RNF121: variants seen among roughly 807,000 people sequenced by gnomAD.
RNF121 encodes E3 ubiquitin ligase RNF121.
Under a neutral mutation model 46.5 loss-of-function variants are expected in RNF121, and 21 were observed. That is an observed-to-expected ratio of 0.45 (90% CI 0.32 to 0.65). The LOEUF is 0.65. Ranked by LOEUF, RNF121 falls within the 30% of genes least tolerant of loss-of-function variation. The probability of loss-of-function intolerance (pLI) is 0.04; values close to 1 mark genes in which losing one functional copy is unlikely to be tolerated. For synonymous variants in RNF121, 139 were observed against 144.7 expected (o/e 0.96, Z 0.28); for missense variants, 346 against 416.0 (o/e 0.83, Z 1.46).
rs1954233463 is a variant in RNF121, at chr11:71,964,757, G to GCT, written c.243+3867_243+3868insTC. ...GCCTCCCAAAGTGTTGGGATTACAG[G>GCT]CGTGAGCCACCGTGCCTGGTATTAT... On this transcript the variant is annotated intron_variant, in intron 3 of 8. Transcript: ENST00000361756. Among the ~76,000 whole-genome samples the GCT allele has an allele frequency of 3.3e-5, 5 of 152,166 alleles. 1 individual carries two copies. The South Asian group carries it at 1.0e-3, about 32-fold the overall frequency.
chr11:71,980,468 T>G (rs1031396999), intron 3 of RNF121, among the ~76,000 whole-genome samples: 13 of 152,172 alleles, frequency 8.5e-5, no homozygotes, highest in African/African-American at 3.1e-4. Flanking sequence ...TGCCTCAGCC[T>G]CCCAAGTAGC....
Position 71,941,593 on chromosome 11 carries a change from A to C in RNF121, c.63+12469A>C, listed in dbSNP as rs560243632. 7.2e-5 allele frequency among the ~76,000 whole-genome samples: 11 copies of C among 152,328 alleles called. No homozygotes were observed. In the South Asian group the frequency reaches 1.7e-3, roughly 23 times the overall value. ...ACAAATGCTTTGAGAAAAGTAATGTAATGTGATAAAGATGACTAGAAGAGA... is the reference window on the plus strand; with the variant it reads ...ACAAATGCTTTGAGAAAAGTAATGTCATGTGATAAAGATGACTAGAAGAGA... On this transcript the variant is annotated intron_variant, in intron 1 of 8. Transcript: ENST00000361756.
chr11:71,987,281 G>T (rs934284729), intron 5 of RNF121, among the ~76,000 whole-genome samples, 170 bp downstream of exon 5: 8 of 152,148 alleles, frequency 5.3e-5, no homozygotes, highest in Non-Finnish European at 2.9e-5. Context: ...ATTTGTTCTG[G>T]CAGAAAGCAA....
At chr11:71,967,498 T>G (rs1489285832) in intron 3 of RNF121, among the ~76,000 whole-genome samples, 2 of 151,920 alleles carry the variant, frequency 1.3e-5, no homozygotes. Flanking sequence ...TACAGGTTCA[T>G]GCCACCACAC....
intron 6 of RNF121, among the ~76,000 whole-genome samples, chr11:71,993,670 G>A (rs1954911425): frequency 6.6e-6 from 1 of 152,128 alleles, no homozygotes; most frequent in African/African-American, 2.4e-5. Context: ...GCGTTTAAGT[G>A]TGTTTAGTCC....
chr11:71,948,718 A>T (rs186024137), intron 1 of RNF121, among the ~76,000 whole-genome samples: 29 of 152,150 alleles, frequency 1.9e-4, no homozygotes, highest in Non-Finnish European at 1.0e-4. Flanking sequence ...CTGATTTATG[A>T]CTTTGGTGGC....
Position 71,992,662 on chromosome 11 carries a change from A to G in RNF121, c.627+1945A>G, listed in dbSNP as rs562196432. On this transcript the variant is annotated intron_variant, in intron 6 of 8. Coordinates refer to ENST00000361756, the MANE Select transcript of RNF121 (RefSeq NM_018320.5). Reference sequence around the variant, plus strand: ...GGTTCTGAAGACTGAAGGGAAAAATACAAAGGAAATATAGGTTTCAAAGCT... The same window carrying G: ...GGTTCTGAAGACTGAAGGGAAAAATGCAAAGGAAATATAGGTTTCAAAGCT... Among the ~76,000 whole-genome samples, 20 of 152,326 alleles carry G rather than the reference A, an allele frequency of 1.3e-4. No individual in the cohort carries two copies. In the South Asian group the frequency reaches 3.7e-3, roughly 28 times the overall value.
At chr11:71,944,556 G>A (rs1160255370) in intron 1 of RNF121, among the ~76,000 whole-genome samples, 1 of 152,192 alleles carries the variant, frequency 6.6e-6, no homozygotes, top group East Asian at 1.9e-4. Context: ...GCTGGGAGCA[G>A]AGGAAGGTAA....
intron 3 of RNF121, among the ~76,000 whole-genome samples, chr11:71,969,981 A>G (rs934875560): frequency 5.3e-5 from 8 of 152,242 alleles, no homozygotes; most frequent in Non-Finnish European, 5.9e-5. Context: ...AGATATAAGT[A>G]ATTTTAGATG....
At chr11:71,950,972 C>G (rs1413468378) in intron 1 of RNF121, among the ~76,000 whole-genome samples, 2 of 152,162 alleles carry the variant, frequency 1.3e-5, no homozygotes, top group African/African-American at 2.4e-5. Flanking sequence ...CACCTGTAAT[C>G]CCAGCACTTT....
chr11:71,936,901 T>C (rs1318639610), intron 1 of RNF121, among the ~76,000 whole-genome samples: 1 of 152,204 alleles, frequency 6.6e-6, no homozygotes, highest in Non-Finnish European at 1.5e-5. Context: ...ACATAGCCCA[T>C]ATCCATATAT....
At chr11:71,968,065 G>A (rs540073359) in intron 3 of RNF121, among the ~76,000 whole-genome samples, 7 of 65,676 alleles carry the variant, frequency 1.1e-4, no homozygotes, top group South Asian at 5.4e-4. Flanking sequence ...ATTTATGAAC[G>A]ATCTTTTTTT....
chr11:71,957,358 T>A, intron 2 of RNF121, 94 bp downstream of exon 2: 1 of 825,860 alleles, frequency 1.2e-6, no homozygotes, highest in Non-Finnish European at 2.2e-6. Context: ...TTCTTGTCAG[T>A]AGGAGGCAGT....
At chr11:71,959,824 C>A (rs542384325) in intron 2 of RNF121, among the ~76,000 whole-genome samples, 2 of 151,972 alleles carry the variant, frequency 1.3e-5, no homozygotes, top group Non-Finnish European at 1.5e-5. Flanking sequence ...TTAGTAGAGA[C>A]GGGGTTTCGC....
At chr11:71,963,782 G>A (rs962892248) in intron 3 of RNF121, among the ~76,000 whole-genome samples, 2 of 152,140 alleles carry the variant, frequency 1.3e-5, no homozygotes, top group Non-Finnish European at 2.9e-5. Flanking sequence ...TCCATTGGAT[G>A]GTCGTGGCAT....
At chr11:71,980,226 GACCAGCAGCCAGT>G (rs149284177) in intron 3 of RNF121, among the ~76,000 whole-genome samples, 49 of 152,312 alleles carry the variant, frequency 3.2e-4, no homozygotes, top group African/African-American at 1.2e-3. Flanking sequence ...AAGGCTCATG[GACCAGCAGCCAGT>G]ACCCTCGGGT....
At chr11:71,960,288 G>C (rs1954098979) in intron 2 of RNF121, among the ~76,000 whole-genome samples, 1 of 152,182 alleles carries the variant, frequency 6.6e-6, no homozygotes, top group South Asian at 2.1e-4. Flanking sequence ...TTTAATCCTG[G>C]AATCAGCACA....
intron 2 of RNF121, among the ~76,000 whole-genome samples, chr11:71,959,727 C>T (rs1426648118): frequency 1.3e-5 from 2 of 151,828 alleles, no homozygotes; most frequent in Non-Finnish European, 2.9e-5. Context: ...CCTCCACCTC[C>T]CAGGTTCAAG....
At chr11:71,937,244 C>T (rs1452738230) in intron 1 of RNF121, among the ~76,000 whole-genome samples, 1 of 152,168 alleles carries the variant, frequency 6.6e-6, no homozygotes, top group Admixed American at 6.5e-5. Flanking sequence ...ATTTTTTCAT[C>T]TCTGTATTTT....
Sources: gnomAD v4.1 joint callset for allele counts (sites outside exome capture counted in the v4.1 genomes callset) on GRCh38, gnomAD v4.1.1 for gene constraint, MANE v1.5 for transcripts, NCBI Gene and HGNC (gene_info 2026-07-23, HGNC 2026-07-21) for gene names.